The following FER1L6 variants were observed in gnomAD, a reference collection of about 807,000 sequenced individuals.
The protein encoded by FER1L6 is fer-1 like family member 6.
Under a neutral mutation model 219.2 loss-of-function variants are expected in FER1L6, and 177 were observed. The observed-to-expected ratio is 0.81, with a 90% confidence interval of 0.71 to 0.91. The LOEUF is 0.91. Ranked by LOEUF, FER1L6 falls within the 40% of genes least tolerant of loss-of-function variation. FER1L6 has a pLI of 0.00. For synonymous variants in FER1L6, 768 were observed against 824.3 expected, an observed-to-expected ratio of 0.93 and a Z score of 1.17; for missense variants, 2,153 against 2,259.9, an observed-to-expected ratio of 0.95 and a Z score of 0.96.
rs1816141663 is a variant in FER1L6, at chr8:123,977,561, C to T, written c.1015C>T (p.His339Tyr). 6.2e-7 allele frequency: 1 copy of T among 1,614,098 alleles called. No individual in the cohort carries two copies. Among genetic ancestry groups the T allele is most frequent in the Non-Finnish European group, 8.5e-7 (1 of 1,180,000 alleles). ...GSMNDVALAT[H>Y]FIDLKKISNE... Reference sequence around the variant, plus strand: ...CATGAATGACGTAGCCCTGGCAACCCATTTCATTGACCTGAAGAAAATCTC... The same window carrying T: ...CATGAATGACGTAGCCCTGGCAACCTATTTCATTGACCTGAAGAAAATCTC... Residue 339 changes from histidine (H) to tyrosine (Y), a missense_variant, in exon 10 of 41, where the codon CAT becomes TAT. Coordinates refer to ENST00000522917, the MANE Select transcript of FER1L6 (RefSeq NM_001039112.2).
At chr8:124,091,886 G>A (rs1822049991) in intron 34 of FER1L6, among the ~76,000 whole-genome samples, 1 of 151,228 alleles carries the variant, frequency 6.6e-6, no homozygotes. Flanking sequence ...AGAATCACTT[G>A]AGCTCAAGAG....
chr8:123,904,654 G>A (rs1211952525), intron 1 of FER1L6, among the ~76,000 whole-genome samples: 1 of 152,142 alleles, frequency 6.6e-6, no homozygotes, highest in African/African-American at 2.4e-5. Context: ...TGAGCAGAGG[G>A]TAGATGCCAA....
At chr8:124,082,223 G>A in intron 32 of FER1L6, 65 bp from the exon 33 acceptor site, 1 of 1,355,418 alleles carries the variant, frequency 7.4e-7, no homozygotes. Context: ...TAAAAGTGAA[G>A]CTGGGAATGG....
At chr8:123,886,065 C>T (rs976626813) in intron 1 of FER1L6, among the ~76,000 whole-genome samples, 1 of 152,158 alleles carries the variant, frequency 6.6e-6, no homozygotes, top group Non-Finnish European at 1.5e-5. Context: ...GTTCGGAGTA[C>T]TTCCTTTGTG....
chr8:123,917,437 A>C (rs16899044), intron 1 of FER1L6, among the ~76,000 whole-genome samples: 50,965 of 152,122 alleles, frequency 0.34, 9,108 homozygotes, highest in East Asian at 0.45. Flanking sequence ...TTCAGTAAGG[A>C]CCTTCCGCAC....
chr8:123,865,796 A>G (rs556284298), intron 1 of FER1L6, among the ~76,000 whole-genome samples: 1 of 151,352 alleles, frequency 6.6e-6, no homozygotes, highest in Non-Finnish European at 1.5e-5. Context: ...CTCCCTGACC[A>G]CTTGCGCTTC....
At chr8:123,983,642 G>A (rs1338758599) in intron 11 of FER1L6, among the ~76,000 whole-genome samples, 1 of 152,136 alleles carries the variant, frequency 6.6e-6, no homozygotes, top group Non-Finnish European at 1.5e-5. Flanking sequence ...ATGGTGCAGT[G>A]GTTACTGCTT....
At chr8:124,060,365 T>C (rs1820508184) in intron 23 of FER1L6, 75 bp downstream of exon 23, 1 of 1,476,342 alleles carries the variant, frequency 6.8e-7, no homozygotes, top group South Asian at 1.1e-5. Flanking sequence ...GTAGGAGAGG[T>C]GATATGGAAT....
chr8:123,940,816 T>C (rs1399682768), intron 1 of FER1L6, among the ~76,000 whole-genome samples: 1 of 152,216 alleles, frequency 6.6e-6, no homozygotes, highest in East Asian at 1.9e-4. Flanking sequence ...CTTTAAGTTT[T>C]ACCAAATCAT....
Position 124,119,945 on chromosome 8 carries a change from T to G in FER1L6, c.*155T>G. 1.4e-6 allele frequency: 1 copy of G among 733,662 alleles called. No homozygotes were observed. 45.4% of individuals were successfully genotyped at this position (733,662 alleles called of 1,614,324 possible). On this transcript the variant is annotated 3_prime_UTR_variant, in exon 41 of 41. Transcript: ENST00000522917. ...AGATGGAAAAGAAACATTTCCTCCC[T>G]GCTCCAACCCCTGCCTCCAAGTTTC...
At chr8:124,017,206 T>G (rs1818240111) in intron 15 of FER1L6, among the ~76,000 whole-genome samples, 1 of 152,214 alleles carries the variant, frequency 6.6e-6, no homozygotes. Flanking sequence ...ATGTTACTAC[T>G]CAGTCTTTCC....
intron 25 of FER1L6, among the ~76,000 whole-genome samples, chr8:124,062,733 G>C (rs1428231911): frequency 6.6e-6 from 1 of 152,130 alleles, no homozygotes; most frequent in African/African-American, 2.4e-5. Flanking sequence ...ATCCCTGTGT[G>C]TGTTCCCTGA....
chr8:124,043,593 G>C (rs1454457066), intron 20 of FER1L6, among the ~76,000 whole-genome samples: 1 of 152,226 alleles, frequency 6.6e-6, no homozygotes, highest in Non-Finnish European at 1.5e-5. Flanking sequence ...AAGAAATTGA[G>C]GCACAAAGAG....
chr8:123,999,702 C>T, intron 12 of FER1L6, among the ~76,000 whole-genome samples: 1 of 152,026 alleles, frequency 6.6e-6, no homozygotes, highest in East Asian at 1.9e-4. Flanking sequence ...AAAGAAATGT[C>T]ATCTGTGGGC....
chr8:124,053,519 A>C (rs1303071769), intron 22 of FER1L6, among the ~76,000 whole-genome samples: 1 of 152,178 alleles, frequency 6.6e-6, no homozygotes, highest in Non-Finnish European at 1.5e-5. Context: ...GGGGCTGGAA[A>C]ATGCCTTCAT....
intron 37 of FER1L6, among the ~76,000 whole-genome samples, chr8:124,099,860 C>A (rs1822478893): frequency 6.6e-6 from 1 of 152,220 alleles, no homozygotes; most frequent in Non-Finnish European, 1.5e-5. Context: ...CCTTCTAAGG[C>A]TGCATCCTTA....
At chr8:124,072,198 G>A (rs1188927243) in intron 31 of FER1L6, among the ~76,000 whole-genome samples, 1 of 152,214 alleles carries the variant, frequency 6.6e-6, no homozygotes, top group African/African-American at 2.4e-5. Context: ...GAAGGACCAA[G>A]GCAGAACAGG....
intron 2 of FER1L6, among the ~76,000 whole-genome samples, chr8:123,961,908 T>G (rs1211599217): frequency 1.0e-4 from 14 of 135,634 alleles, no homozygotes. Context: ...TGAGATGGAG[T>G]CTTGGAGTCT....
intron 12 of FER1L6, among the ~76,000 whole-genome samples, chr8:123,990,599 T>G (rs1816811953): frequency 6.6e-6 from 1 of 152,222 alleles, no homozygotes; most frequent in Non-Finnish European, 1.5e-5. Flanking sequence ...TTTGTTTGAG[T>G]TCCTGGTATT....
Sources: allele counts gnomAD v4.1 joint callset (sites outside exome capture counted in the v4.1 genomes callset), GRCh38; gene constraint gnomAD v4.1.1; transcripts MANE v1.5; gene names NCBI Gene and HGNC (gene_info 2026-07-23, HGNC 2026-07-21).